The following ANK3 variants were observed in gnomAD, a reference collection of about 807,000 sequenced individuals.
ANK3 encodes ankyrin-3.
A neutral mutation model predicts 370.9 loss-of-function variants in ANK3; 57 were observed. That is an observed-to-expected ratio of 0.15 (90% CI 0.12 to 0.19). The LOEUF (loss-of-function observed/expected upper bound fraction) is 0.19. Among genes scored for constraint, ANK3 ranks in the 10% least tolerant of loss-of-function variants. The probability of loss-of-function intolerance (pLI) is 1.00; values close to 1 mark genes in which losing one functional copy is unlikely to be tolerated. For synonymous variants in ANK3, 1,929 were observed against 1,946.3 expected (o/e 0.99, Z 0.23); for missense variants, 4,439 against 5,302.1 (o/e 0.84, Z 5.06).
intron 1 of ANK3, among the ~76,000 whole-genome samples, chr10:60,634,885 G>T (rs1051854935): frequency 3.3e-5 from 5 of 152,124 alleles, no homozygotes; most frequent in Admixed American, 6.5e-5. Flanking sequence ...GTCAGCGAGA[G>T]AACGAACCTA....
chr10:60,281,297 G>A (rs1410873163), intron 1 of ANK3, among the ~76,000 whole-genome samples: 1 of 152,144 alleles, frequency 6.6e-6, no homozygotes, highest in Admixed American at 6.5e-5. Context: ...TTTGCTGTAG[G>A]GGACTGTCCT....
intron 2 of ANK3, among the ~76,000 whole-genome samples, chr10:60,453,672 T>C (rs913543691): frequency 2.0e-5 from 3 of 152,000 alleles, no homozygotes; most frequent in African/African-American, 7.2e-5. Context: ...AAATGGACCT[T>C]TTTTTTGACA....
chr10:60,542,844 T>C (rs1364080188), intron 2 of ANK3, among the ~76,000 whole-genome samples: 1 of 151,844 alleles, frequency 6.6e-6, no homozygotes, highest in Non-Finnish European at 1.5e-5. Context: ...AACCATTACG[T>C]TTTCTTTTAC....
intron 5 of ANK3, among the ~76,000 whole-genome samples, chr10:60,266,390 T>C (rs2097880250): frequency 6.6e-6 from 1 of 152,184 alleles, no homozygotes; most frequent in South Asian, 2.1e-4. Context: ...TGTAATGTAT[T>C]ACTTTTGCAA....
intron 1 of ANK3, among the ~76,000 whole-genome samples, chr10:60,630,655 A>G (rs2078469427): frequency 6.6e-6 from 1 of 152,204 alleles, no homozygotes; most frequent in African/African-American, 2.4e-5. Flanking sequence ...GGAGCCAGCC[A>G]TGGGAGGAGA....
chr10:60,446,614 C>A (rs976057972), intron 2 of ANK3, among the ~76,000 whole-genome samples: 5 of 152,154 alleles, frequency 3.3e-5, no homozygotes, highest in African/African-American at 9.7e-5. Context: ...TTCTTTTGAG[C>A]TTTTCCATAC....
chr10:60,481,760 G>A (rs536440168), intron 2 of ANK3, among the ~76,000 whole-genome samples: 26 of 152,212 alleles, frequency 1.7e-4, no homozygotes, highest in African/African-American at 5.5e-4. Flanking sequence ...CACTGCACCC[G>A]GCCACAAGCC....
rs547953752 is a variant in ANK3 at position 60,224,384 on chromosome 10, C to T, written c.897+10304G>A. Among the ~76,000 whole-genome samples the T allele has an allele frequency of 9.2e-5, 14 of 152,198 alleles. No individual in the cohort carries two copies. The South Asian group carries it at 1.0e-3, about 11-fold the overall frequency. On this transcript the variant is annotated intron_variant, in intron 8 of 43. Coordinates refer to ENST00000280772, the MANE Select transcript of ANK3 (RefSeq NM_020987.5). ...CTTATTAGTGAGGAGGGGAACTGCA[C>T]GTTACTCGCCGGACAGAATGCTCTC...
chr10:60,278,456 C>T (rs896875151), intron 4 of ANK3, among the ~76,000 whole-genome samples: 5 of 152,100 alleles, frequency 3.3e-5, no homozygotes, highest in Non-Finnish European at 7.4e-5. Context: ...CTCACTGCAA[C>T]CTCCACCTCC....
intron 8 of ANK3, among the ~76,000 whole-genome samples, chr10:60,218,922 T>C (rs2096991866): frequency 1.3e-5 from 2 of 151,990 alleles, no homozygotes; most frequent in Non-Finnish European, 2.9e-5. Context: ...CATATTCTAG[T>C]AGTAGGTCCA....
At chr10:60,044,338 G>A (rs2076605271) in intron 42 of ANK3, 1 of 983,020 alleles carries the variant, frequency 1.0e-6, no homozygotes, top group Non-Finnish European at 1.2e-6. Context: ...AATGTTTTTT[G>A]CTTCCTCTCC....
At chr10:60,416,398 C>T (rs929455119) in intron 2 of ANK3, among the ~76,000 whole-genome samples, 9 of 152,066 alleles carry the variant, frequency 5.9e-5, no homozygotes, top group African/African-American at 9.7e-5. Flanking sequence ...AATCATTAAG[C>T]GCATGTTAAA....
In ANK3 at chr10:60,071,244, C is replaced by T. The variant is rs1239146228; in HGVS notation, c.9637G>A (p.Ala3213Thr). 1 of 1,614,094 alleles carries T rather than the reference C, an allele frequency of 6.2e-7. No individual in the cohort carries two copies. The highest frequency in any genetic ancestry group is 1.7e-5 in the Admixed American group (1 of 60,014). ...GTCTGCTTAAGGGAGGTTGACTTGG[C>T]CTGTTCCTCCTCCTCTGACTCCTCA... ...VSEESEEEEQ[A>T]KSTSLKQTTV... Residue 3213 changes from alanine to threonine, a missense_variant, in exon 37 of 44, where the codon GCC becomes ACC. Physicochemically the swap from Ala to Thr is moderately conservative, Grantham distance 58 (BLOSUM62 0). Around this residue, in one of 13 missense-constraint regions of ANK3, gnomAD observed 1,601 missense variants for 1,731.7 expected, o/e 0.92. Coordinates refer to ENST00000280772, the MANE Select transcript of ANK3 (RefSeq NM_020987.5).
intron 1 of ANK3, among the ~76,000 whole-genome samples, chr10:60,307,730 A>G (rs1001391762): frequency 6.6e-6 from 1 of 152,148 alleles, no homozygotes; most frequent in African/African-American, 2.4e-5. Flanking sequence ...GAAACCACAC[A>G]TGCCCCAGAA....
intron 16 of ANK3, among the ~76,000 whole-genome samples, chr10:60,192,644 T>C (rs1591532310): frequency 6.6e-6 from 1 of 152,228 alleles, no homozygotes; most frequent in East Asian, 1.9e-4. Context: ...GCTAAATGTG[T>C]GCACATGGAC....
At chr10:60,140,507 C>A in intron 23 of ANK3, 1 of 1,523,930 alleles carries the variant, frequency 6.6e-7, no homozygotes, top group South Asian at 1.3e-5. Context: ...CGCTGAATTC[C>A]TCTCAGCATC....
chr10:60,674,741 C>T (rs1267105038), intron 1 of ANK3, among the ~76,000 whole-genome samples: 1 of 152,218 alleles, frequency 6.6e-6, no homozygotes, highest in Non-Finnish European at 1.5e-5. Flanking sequence ...GAATCTCCCC[C>T]ATAGAGGTAA....
chr10:60,488,935 C>T (rs2075420321), intron 2 of ANK3, among the ~76,000 whole-genome samples: 1 of 152,138 alleles, frequency 6.6e-6, no homozygotes, highest in Non-Finnish European at 1.5e-5. Flanking sequence ...CAAACATAGC[C>T]TTGGAAATTT....
intron 28 of ANK3, among the ~76,000 whole-genome samples, chr10:60,103,718 C>G (rs2091708644): frequency 1.3e-5 from 2 of 152,114 alleles, no homozygotes; most frequent in Non-Finnish European, 2.9e-5. Context: ...CTAGTGGACT[C>G]CAGTACTTGA....
Sources: gnomAD v4.1 joint callset for allele counts (sites outside exome capture counted in the v4.1 genomes callset) on GRCh38, gnomAD v4.1.1 for gene constraint, gnomAD v4.1.1 regional missense constraint, MANE v1.5 for transcripts, NCBI Gene and HGNC (gene_info 2026-07-23, HGNC 2026-07-21) for gene names.